KLRD1: variants seen among roughly 807,000 people sequenced by gnomAD.
KLRD1 encodes natural killer cells antigen CD94.
In KLRD1, 21 loss-of-function variants were observed where a neutral mutation model predicts 22.6. The observed-to-expected ratio is 0.93, with a 90% CI of 0.66 to 1.34. KLRD1 has a LOEUF of 1.34. Ranked by LOEUF, KLRD1 falls within the 40% of genes most tolerant of loss-of-function variation. The probability of loss-of-function intolerance (pLI) is 0.00; values close to 1 mark genes in which losing one functional copy is unlikely to be tolerated. For synonymous variants in KLRD1, 59 were observed against 71.1 expected (o/e 0.83, Z 0.85); for missense variants, 183 against 208.6 (o/e 0.88, Z 0.76).
chr12:10,308,134 C>T, intron 1 of KLRD1, 50 bp downstream of exon 1: 2 of 1,528,650 alleles, frequency 1.3e-6, no homozygotes, highest in Non-Finnish European at 1.8e-6. Flanking sequence ...AAAGCTATTT[C>T]TTGGATTGGC....
intron 1 of KLRD1, among the ~76,000 whole-genome samples, chr12:10,246,697 CA>C (rs975389415): frequency 4.6e-4 from 70 of 152,166 alleles, no homozygotes; most frequent in African/African-American, 1.6e-3. Flanking sequence ...AAGAACATGT[CA>C]TTTGTCAAAT....
chr12:10,248,956 G>C (rs1949320466), intron 1 of KLRD1, among the ~76,000 whole-genome samples: 1 of 152,002 alleles, frequency 6.6e-6, no homozygotes, highest in Non-Finnish European at 1.5e-5. Flanking sequence ...CATATGCTTA[G>C]ATAGAACATC....
At chr12:10,281,038 G>A (rs1203132278) in intron 1 of KLRD1, among the ~76,000 whole-genome samples, 3 of 152,186 alleles carry the variant, frequency 2.0e-5, no homozygotes, top group Non-Finnish European at 4.4e-5. Flanking sequence ...ACCTTATAGG[G>A]CGAGAGATAC....
chr12:10,277,675 G>A (rs1592050435), intron 1 of KLRD1, among the ~76,000 whole-genome samples: 2 of 152,152 alleles, frequency 1.3e-5, no homozygotes, highest in African/African-American at 4.8e-5. Flanking sequence ...CAATTAAAAT[G>A]TATTTGAATA....
At chr12:10,271,754 A>G (rs555291149) in intron 1 of KLRD1, among the ~76,000 whole-genome samples, 1 of 152,244 alleles carries the variant, frequency 6.6e-6, no homozygotes, top group East Asian at 1.9e-4. Flanking sequence ...ATATAATTAA[A>G]TGGCATATTA....
chr12:10,302,466 C>A (rs899618012), upstream of KLRD1, among the ~76,000 whole-genome samples: 7 of 152,186 alleles, frequency 4.6e-5, no homozygotes, highest in Admixed American at 4.6e-4. Context: ...GTTGCACAGA[C>A]AAAATCCATC....
At chr12:10,247,221 C>T (rs1310741238) in intron 1 of KLRD1, among the ~76,000 whole-genome samples, 2 of 152,162 alleles carry the variant, frequency 1.3e-5, no homozygotes, top group Admixed American at 6.5e-5. Flanking sequence ...GAATTCTCCA[C>T]ATACTTCTAC....
intron 1 of KLRD1, among the ~76,000 whole-genome samples, chr12:10,273,343 A>G (rs573025563): frequency 6.6e-6 from 1 of 152,346 alleles, no homozygotes; most frequent in Non-Finnish European, 1.5e-5. Context: ...GTGTGTTTGT[A>G]ATAGAATAAG....
chr12:10,314,781 A>G lies in KLRD1; in HGVS notation c.528A>G (p.Gln176=). ...ATAAAAATCGTTATATCTGTAAGCA[A>G]CAGCTCATTTAAATGTTTCTTGGGG... is the stretch of plus-strand genomic sequence containing the variant. ...CEDKNRYICK[Q]QLI The change falls in exon 6 of 6, where the codon CAA becomes CAG. Residue 176 remains glutamine, a synonymous_variant. Coordinates refer to ENST00000336164, the MANE Select transcript of KLRD1 (RefSeq NM_002262.5). 8.7e-6 allele frequency: 14 copies of G among 1,605,892 alleles called. No individual in the cohort carries two copies. The highest frequency in any genetic ancestry group is 1.3e-5 in the African/African-American group (1 of 74,834).
rs1202314683 is a variant in KLRD1, at chr12:10,320,117, C to G, written c.*5324C>G. ...TCCTGACCTCAGGTGATCTGCCTAC[C>G]TCACCCTCCCAAAGTGCTGGGATTA... On this transcript the variant is annotated 3_prime_UTR_variant, in exon 6 of 6. Transcript: ENST00000336164. The G allele has an allele frequency of 1.3e-5, 2 of 151,934 alleles. No homozygotes were observed. The highest frequency in any genetic ancestry group is 6.6e-5 in the Admixed American group (1 of 15,264). 9.4% of individuals were successfully genotyped at this position (151,934 alleles called of 1,614,324 possible). A position where few individuals can be genotyped will look rare whatever the true frequency, so the allele number is the denominator to read the frequency against.
In KLRD1 at chr12:10,276,946, A is replaced by G. The variant is rs141690078; in HGVS notation, c.-100-31032A>G. On this transcript the variant is annotated intron_variant, in intron 1 of 5. Coordinates refer to the KLRD1 transcript ENST00000544747. ...GTTAATTAGGCGTATGTAATGGAAA[A>G]TAAGAAATAAGTGGAAACAAAATCA... 2.0e-5 allele frequency among the ~76,000 whole-genome samples: 3 copies of G among 152,294 alleles called. No individual in the cohort carries two copies. In the East Asian group the frequency reaches 5.8e-4, roughly 29 times the overall value.
intron 1 of KLRD1, among the ~76,000 whole-genome samples, chr12:10,296,625 TAA>T (rs1346432269): frequency 6.6e-6 from 1 of 152,272 alleles, no homozygotes; most frequent in East Asian, 1.9e-4. Flanking sequence ...TGATACCTCC[TAA>T]AATGAGTGAA....
At chr12:10,253,019 A>G (rs150059568) in intron 1 of KLRD1, among the ~76,000 whole-genome samples, 58 of 152,176 alleles carry the variant, frequency 3.8e-4, no homozygotes, top group Non-Finnish European at 7.1e-4. Flanking sequence ...AATCCTCTGC[A>G]TAAAACATTT....
At chr12:10,253,956 A>T (rs1949367487) in intron 1 of KLRD1, among the ~76,000 whole-genome samples, 2 of 152,166 alleles carry the variant, frequency 1.3e-5, no homozygotes, top group African/African-American at 2.4e-5. Context: ...GTTGAATTGA[A>T]TGGTAGTTCT....
intron 1 of KLRD1, among the ~76,000 whole-genome samples, chr12:10,287,835 C>A (rs558818240): frequency 6.7e-6 from 1 of 150,232 alleles, no homozygotes; most frequent in Non-Finnish European, 1.5e-5. Flanking sequence ...TTTGGGAGGC[C>A]GAGGCAGGCG....
intron 1 of KLRD1, among the ~76,000 whole-genome samples, chr12:10,294,867 A>C (rs1212351330): frequency 6.6e-6 from 1 of 152,208 alleles, no homozygotes; most frequent in Non-Finnish European, 1.5e-5. Context: ...AAAACAATTT[A>C]TATTATGTGA....
chr12:10,324,821 T>TATATATATATATATATATATAA lies in KLRD1; in HGVS notation c.*10049_*10050insAATATATATATATATATATATA, dbSNP rs1488281941. The TATATATATATATATATATATAA allele has an allele frequency of 1.8e-4, 25 of 135,982 alleles. 1 individual carries two copies. Among genetic ancestry groups the TATATATATATATATATATATAA allele is most frequent in the Non-Finnish European group, 3.9e-4 (24 of 62,288 alleles). The allele number at this position is 135,982 out of a possible 1,614,324, so 8.4% of individuals were successfully genotyped here. A position where few individuals can be genotyped will look rare whatever the true frequency, so the allele number is the denominator to read the frequency against. ...ATATATGTATATGTGTGTGTGTGTA[T>TATATATATATATATATATATAA]ATATATATATATATATATATATTCA... On this transcript the variant is annotated 3_prime_UTR_variant, in exon 6 of 6. Transcript: ENST00000336164.
At chr12:10,263,428 A>T (rs1017506863) in intron 1 of KLRD1, among the ~76,000 whole-genome samples, 4 of 152,026 alleles carry the variant, frequency 2.6e-5, no homozygotes, top group African/African-American at 9.7e-5. Context: ...TGTGTTCTAT[A>T]ATATTTTTAT....
chr12:10,315,419 C>T lies in KLRD1; in HGVS notation c.*626C>T. On this transcript the variant is annotated 3_prime_UTR_variant, in exon 6 of 6. Transcript: ENST00000336164. ...GGGATTATAGGTGTGAACCACCATC[C>T]CTGGCCCTCTTCACATTCTTGTATG... 1 of 221,292 alleles carries T rather than the reference C, an allele frequency of 4.5e-6. No homozygotes were observed. The highest frequency in any genetic ancestry group is 5.0e-5 in the South Asian group (1 of 20,188). 13.7% of individuals were successfully genotyped at this position (221,292 alleles called of 1,614,324 possible).
Sources: allele counts gnomAD v4.1 joint callset (sites outside exome capture counted in the v4.1 genomes callset), GRCh38; gene constraint gnomAD v4.1.1; transcripts MANE v1.5; gene names NCBI Gene and HGNC (gene_info 2026-07-23, HGNC 2026-07-21).